Variants in YLPM1 observed in about 807,000 individuals in gnomAD.
YLPM1 encodes YLP motif containing 1.
In YLPM1, 99 loss-of-function variants were observed where a neutral mutation model predicts 230.0. That is an observed-to-expected ratio of 0.43 (90% CI 0.37 to 0.51). The LOEUF (loss-of-function observed/expected upper bound fraction) is 0.51. YLPM1 is among the 20% of genes least tolerant of loss of function. YLPM1 has a pLI of 0.00. For missense variants in YLPM1, 2,592 were observed against 2,707.7 expected, an observed-to-expected ratio of 0.96 and a Z score of 0.95; for synonymous variants, 984 against 942.5, an observed-to-expected ratio of 1.04 and a Z score of -0.81.
chr14:74,807,654 A>C (rs762895558), intron 6 of YLPM1, among the ~76,000 whole-genome samples: 1 of 152,204 alleles, frequency 6.6e-6, no homozygotes, highest in Non-Finnish European at 1.5e-5. Flanking sequence ...TGGGAAAACA[A>C]ATGGAAGGAG....
rs142110632 is a variant in YLPM1, at chr14:74,784,626, A to G, written c.2282+2301A>G. On this transcript the variant is annotated intron_variant, in intron 4 of 20. Transcript: ENST00000325680. ...TTGTGATTAGGAACACTGCCATATAAGGCATTGATTCTAGAAAGTTTGTTT... is the reference window on the plus strand; with the variant it reads ...TTGTGATTAGGAACACTGCCATATAGGGCATTGATTCTAGAAAGTTTGTTT... Among the ~76,000 whole-genome samples the G allele has an allele frequency of 2.9e-3, 436 of 152,362 alleles. 2 individuals carry two copies. Among genetic ancestry groups the G allele is most frequent in the South Asian group, 0.021 (102 of 4,830 alleles).
rs2091303706 is a variant in YLPM1, at chr14:74,799,473, C to A, written c.4176C>A (p.Asp1392Glu). 1 of 1,613,948 alleles carries A rather than the reference C, an allele frequency of 6.2e-7. No individual in the cohort carries two copies. ...TWREKRDYVP[D>E]RMDWERERLS... ...GGGAAAAGCGAGATTATGTTCCTGA[C>A]AGAATGGACTGGGAAAGAGAACGGT... Residue 1392 changes from aspartate (D) to glutamate (E), a missense_variant, in exon 5 of 21, where the codon GAC becomes GAA. Asp to Glu is a conservative substitution (Grantham distance 45). Coordinates refer to ENST00000325680, the MANE Select transcript of YLPM1 (RefSeq NM_019589.3).
rs2090881045 is a variant in YLPM1 at position 74,764,004 on chromosome 14, C to T, written c.515C>T (p.Pro172Leu). 6.2e-7 allele frequency: 1 copy of T among 1,605,180 alleles called. No homozygotes were observed. The stretch of plus-strand genomic sequence containing the variant: ...TACATGCCCCCACCTCAGCCGCCAC[C>T]CTCTTACTACCCCCCGACCTCATCT... ...QSYMPPPQPP[P>L]SYYPPTSSQP... The change falls in exon 1 of 21, where the codon CCC (proline) becomes CTC (leucine). Residue 172 changes from proline (P) to leucine (L), a missense_variant. Coordinates refer to ENST00000325680, the MANE Select transcript of YLPM1 (RefSeq NM_019589.3).
chr14:74,791,572 T>G (rs1272355875), intron 4 of YLPM1, among the ~76,000 whole-genome samples: 2 of 152,260 alleles, frequency 1.3e-5, no homozygotes, highest in Non-Finnish European at 2.9e-5. Flanking sequence ...CTTTATTTAT[T>G]CCTATTTTTC....
chr14:74,833,565 T>C (rs1182854925), intron 19 of YLPM1, among the ~76,000 whole-genome samples: 3 of 152,224 alleles, frequency 2.0e-5, no homozygotes, highest in African/African-American at 7.2e-5. Flanking sequence ...ATATATGAAT[T>C]AATCAAAATA....
chr14:74,818,340 A>G (rs1374780252), intron 16 of YLPM1, 26 bp downstream of exon 16: 22 of 1,542,484 alleles, frequency 1.4e-5, no homozygotes, highest in African/African-American at 4.1e-5. Flanking sequence ...TTCAAATGCA[A>G]TGCAAAGTGA....
Position 74,764,000 on chromosome 14 carries a change from C to T in YLPM1, c.511C>T (p.Pro171Ser), listed in dbSNP as rs771818064. ...SQSYMPPPQP[P>S]PSYYPPTSSQ... The stretch of plus-strand genomic sequence containing the variant: ...GTCTTACATGCCCCCACCTCAGCCG[C>T]CACCCTCTTACTACCCCCCGACCTC... Residue 171 changes from proline (P) to serine (S), a missense_variant, in exon 1 of 21, where the codon CCA (proline) becomes TCA (serine). Pro to Ser is a moderately conservative substitution (Grantham distance 74). Coordinates refer to ENST00000325680, the MANE Select transcript of YLPM1 (RefSeq NM_019589.3). The T allele has an allele frequency of 3.1e-6, 5 of 1,602,344 alleles. No homozygotes were observed. In the South Asian group the frequency reaches 5.5e-5, roughly 18 times the overall value.
chr14:74,779,877 C>T (rs1218870623), intron 2 of YLPM1, among the ~76,000 whole-genome samples: 1 of 151,200 alleles, frequency 6.6e-6, no homozygotes, highest in Non-Finnish European at 1.5e-5. Context: ...GATCTTGGCT[C>T]ACTGCAACCT....
rs756155804 is a variant in YLPM1, at chr14:74,808,106, G to A, written c.4522-1274G>A. ...ATTTGGAGTATGGAAATTTTAAAAC[G>A]TTTTCATTACCCCTGTAAGATCACT... On this transcript the variant is annotated intron_variant, in intron 6 of 20. Coordinates refer to ENST00000325680, the MANE Select transcript of YLPM1 (RefSeq NM_019589.3). Among the ~76,000 whole-genome samples, 133 of 152,146 alleles carry A rather than the reference G, an allele frequency of 8.7e-4. 1 individual carries two copies. The highest frequency in any genetic ancestry group is 9.6e-4 in the Non-Finnish European group (65 of 68,022).
chr14:74,779,148 A>G (rs909753183), intron 2 of YLPM1, among the ~76,000 whole-genome samples: 3 of 151,792 alleles, frequency 2.0e-5, no homozygotes, highest in Non-Finnish European at 4.4e-5. Flanking sequence ...GGCCTGTTGT[A>G]TCAGGTTTAG....
chr14:74,818,112 A>T (rs1014227917), intron 15 of YLPM1, 119 bp from the exon 16 acceptor site: 8 of 431,890 alleles, frequency 1.9e-5, no homozygotes, highest in African/African-American at 1.7e-4. Flanking sequence ...ATATTTAACA[A>T]ATATTTAATT....
chr14:74,785,466 T>C (rs1476234397), intron 4 of YLPM1, among the ~76,000 whole-genome samples: 1 of 152,212 alleles, frequency 6.6e-6, no homozygotes, highest in Non-Finnish European at 1.5e-5. Flanking sequence ...TTATAGAGTA[T>C]AGTTTGGGAC....
Position 74,763,899 on chromosome 14 carries a change from G to T in YLPM1, c.410G>T (p.Gly137Val). ...CACCACCAACGAGACGGGCCTCCTG[G>T]TTTGGTTCCAATGGAGCTGGAATCC... ...MLHHQRDGPP[G>V]LVPMELESPP... The change falls in exon 1 of 21, where the codon GGT becomes GTT. Residue 137 changes from glycine to valine, a missense_variant. Gly to Val is a moderately radical substitution (Grantham distance 109). Coordinates refer to ENST00000325680, the MANE Select transcript of YLPM1 (RefSeq NM_019589.3). The T allele has an allele frequency of 6.4e-7, 1 of 1,560,780 alleles. No individual in the cohort carries two copies. Among genetic ancestry groups the T allele is most frequent in the Non-Finnish European group, 8.7e-7 (1 of 1,154,232 alleles).
chr14:74,778,421 A>C (rs200127926), intron 1 of YLPM1, 26 bp from the exon 2 acceptor site: 1 of 1,560,474 alleles, frequency 6.4e-7, no homozygotes, highest in Middle Eastern at 1.7e-4. Flanking sequence ...GTCAATCAAA[A>C]TTCTCAAAAA....
At chr14:74,794,789 A>G (rs1001266356) in intron 4 of YLPM1, among the ~76,000 whole-genome samples, 4 of 149,800 alleles carry the variant, frequency 2.7e-5, no homozygotes, top group Non-Finnish European at 5.9e-5. Flanking sequence ...ACACACACAT[A>G]TTTAAACACA....
chr14:74,763,931 G>GC lies in YLPM1; in HGVS notation c.442_443insC (p.Glu148AlafsTer94). The GC allele has an allele frequency of 7.8e-7, 1 of 1,286,238 alleles. No homozygotes were observed. The highest frequency in any genetic ancestry group is 9.8e-7 in the Non-Finnish European group (1 of 1,021,520). The allele number at this position is 1,286,238 out of a possible 1,614,324, so 79.7% of individuals were successfully genotyped here. A position where few individuals can be genotyped will look rare whatever the true frequency, so the allele number is the denominator to read the frequency against. On this transcript the variant is annotated frameshift_variant, in exon 1 of 21. Transcript: ENST00000325680. LOFTEE classifies it high-confidence loss of function. ...TCCAATGGAGCTGGAATCCCCCCCT[G>GC]AATCTCCCCCTGTGCCGCCTGGGTC...
chr14:74,816,196 G>A lies in YLPM1; in HGVS notation c.5503-7G>A. On this transcript the variant is annotated splice_polypyrimidine_tract_variant and splice_region_variant and intron_variant, in intron 11 of 20. Transcript: ENST00000325680. Reference sequence around the variant, plus strand: ...TTTTTTTTTTTTTTTGGTCTATTCTGTTTCAGATTGTTGTTATAATGAGAG... The same window carrying A: ...TTTTTTTTTTTTTTTGGTCTATTCTATTTCAGATTGTTGTTATAATGAGAG... 1.3e-6 allele frequency: 2 copies of A among 1,558,102 alleles called. No individual in the cohort carries two copies. Among genetic ancestry groups the A allele is most frequent in the Non-Finnish European group, 1.7e-6 (2 of 1,155,008 alleles).
At position 74,797,814 on chromosome 14, in the gene YLPM1, C is replaced by T; in HGVS notation, c.2517C>T (p.Gly839=). Residue 839 remains glycine, a synonymous_variant, in exon 5 of 21, where the codon GGC becomes GGT. Coordinates refer to ENST00000325680, the MANE Select transcript of YLPM1 (RefSeq NM_019589.3). Reference sequence around the variant, plus strand: ...GACAGAGTGGACCACAGTGGAAAGGCCCCAAACCAGCTTTTGGACAGCAGC... The same window carrying T: ...GACAGAGTGGACCACAGTGGAAAGGTCCCAAACCAGCTTTTGGACAGCAGC... ...SPRQSGPQWK[G]PKPAFGQQHQ... is the part of the protein sequence containing the mutation. 6.2e-7 allele frequency: 1 copy of T among 1,613,920 alleles called. No individual in the cohort carries two copies. Among genetic ancestry groups the T allele is most frequent in the Non-Finnish European group, 8.5e-7 (1 of 1,179,874 alleles).
Position 74,811,749 on chromosome 14 carries a change from G to A in YLPM1, c.5347+11G>A, listed in dbSNP as rs756205883. On this transcript the variant is annotated intron_variant, in intron 10 of 20. Transcript: ENST00000325680. ...CATCCATGTTTGGAGGTAGAGTGAT[G>A]CCTTATTAACTACAAGGATGTTGAG... 1 of 1,542,240 alleles carries A rather than the reference G, an allele frequency of 6.5e-7. No homozygotes were observed.
Sources: allele counts gnomAD v4.1 joint callset (sites outside exome capture counted in the v4.1 genomes callset), GRCh38; gene constraint gnomAD v4.1.1; transcripts MANE v1.5; gene names NCBI Gene and HGNC (gene_info 2026-07-23, HGNC 2026-07-21).